The following ASIC2 variants were observed in gnomAD, a reference collection of about 807,000 sequenced individuals.
ASIC2 encodes acid-sensing ion channel 2.
A neutral mutation model predicts 57.3 loss-of-function variants in ASIC2; 25 were observed. The ratio of observed to expected loss-of-function variants is 0.44; its 90% CI spans 0.32 to 0.61. The LOEUF is 0.61. Ranked by LOEUF, ASIC2 falls within the 20% of genes least tolerant of loss-of-function variation. ASIC2 has a pLI of 0.06. For missense variants in ASIC2, 641 were observed against 738.1 expected (o/e 0.87, Z 1.52); for synonymous variants, 319 against 307.5 (o/e 1.04, Z -0.39).
chr17:34,037,528 G>C, intron 1 of ASIC2: 1 of 1,281,064 alleles, frequency 7.8e-7, no homozygotes, highest in South Asian at 1.5e-5. Context: ...GGTTTCATCA[G>C]ATCCATTCGG....
In ASIC2 at chr17:33,933,763, C is replaced by A. The variant is rs140411637; in HGVS notation, c.555+222215G>T. On this transcript the variant is annotated intron_variant, in intron 1 of 9. Coordinates refer to the ASIC2 transcript ENST00000359872. ...GAAAGAGCAGGTGTGAGGTCTCACT[C>A]GTTCATACTCCGGCATCACAGAATC... Among the ~76,000 whole-genome samples the A allele has an allele frequency of 7.2e-4, 110 of 152,328 alleles. No individual in the cohort carries two copies. In the South Asian group the frequency reaches 9.8e-3, roughly 14 times the overall value.
intron 1 of ASIC2, among the ~76,000 whole-genome samples, chr17:33,365,739 T>C (rs1002960697): frequency 6.6e-5 from 10 of 152,178 alleles, no homozygotes; most frequent in African/African-American, 2.4e-4. Context: ...CCTTACTTTA[T>C]CCCCTTTTTA....
At chr17:33,035,033 T>C (rs1193290014) in intron 3 of ASIC2, among the ~76,000 whole-genome samples, 1 of 152,198 alleles carries the variant, frequency 6.6e-6, no homozygotes, top group Non-Finnish European at 1.5e-5. Flanking sequence ...TCTCTTTATG[T>C]ATTATTTTAA....
chr17:34,024,782 T>C (rs1220036004), intron 1 of ASIC2, among the ~76,000 whole-genome samples: 1 of 152,140 alleles, frequency 6.6e-6, no homozygotes, highest in African/African-American at 2.4e-5. Context: ...GATTTCAGAG[T>C]CCATTTTTTT....
At chr17:33,484,157 C>T (rs145353264) in intron 1 of ASIC2, among the ~76,000 whole-genome samples, 5 of 152,338 alleles carry the variant, frequency 3.3e-5, no homozygotes, top group African/African-American at 1.2e-4. Flanking sequence ...TCCAGAACTA[C>T]AACAGAATAC....
At chr17:33,175,603 T>C (rs1432458142) in intron 1 of ASIC2, among the ~76,000 whole-genome samples, 2 of 152,206 alleles carry the variant, frequency 1.3e-5, no homozygotes, top group Non-Finnish European at 2.9e-5. Context: ...AGTTCCCACA[T>C]TTACAGCGAT....
intron 1 of ASIC2, among the ~76,000 whole-genome samples, chr17:34,006,963 T>C (rs998112051): frequency 6.6e-6 from 1 of 152,218 alleles, no homozygotes; most frequent in African/African-American, 2.4e-5. Flanking sequence ...CCAGTGGTGA[T>C]ATTTTACAGA....
chr17:33,324,491 C>T (rs1056736656), intron 1 of ASIC2, among the ~76,000 whole-genome samples: 1 of 151,916 alleles, frequency 6.6e-6, no homozygotes, highest in African/African-American at 2.4e-5. Flanking sequence ...ATGACAGAGC[C>T]CTGCAAATAT....
At chr17:33,481,514 C>A (rs1332719068) in intron 1 of ASIC2, among the ~76,000 whole-genome samples, 1 of 126,240 alleles carries the variant, frequency 7.9e-6, no homozygotes, top group African/African-American at 3.0e-5. Context: ...CATTGATCAT[C>A]CATTCACAAG....
At chr17:33,027,573 T>C (rs2091864377) in intron 4 of ASIC2, among the ~76,000 whole-genome samples, 1 of 152,212 alleles carries the variant, frequency 6.6e-6, no homozygotes, top group South Asian at 2.1e-4. Context: ...CTGATTGTGT[T>C]TTAAAGTTCA....
At chr17:33,656,244 T>C (rs1567680683) in intron 1 of ASIC2, among the ~76,000 whole-genome samples, 1 of 151,932 alleles carries the variant, frequency 6.6e-6, no homozygotes, top group Non-Finnish European at 1.5e-5. Flanking sequence ...AAAGAACATA[T>C]AATCTCCAAA....
intron 1 of ASIC2, among the ~76,000 whole-genome samples, chr17:33,252,071 A>G (rs1908903298): frequency 2.0e-5 from 3 of 152,188 alleles, no homozygotes; most frequent in Admixed American, 2.0e-4. Context: ...AAGGTTGTGC[A>G]GAGCATGAAG....
intron 1 of ASIC2, among the ~76,000 whole-genome samples, chr17:33,873,803 C>T (rs149132631): frequency 1.5e-3 from 234 of 152,272 alleles, no homozygotes; most frequent in Middle Eastern, 6.8e-3. Context: ...GAATCATGCC[C>T]GACCGTTTTG....
At chr17:33,550,403 CAT>C (rs1471363940) in intron 1 of ASIC2, among the ~76,000 whole-genome samples, 1 of 152,220 alleles carries the variant, frequency 6.6e-6, no homozygotes, top group Non-Finnish European at 1.5e-5. Flanking sequence ...AAAGGGCTCA[CAT>C]GTGTGATGTT....
intron 1 of ASIC2, among the ~76,000 whole-genome samples, chr17:33,283,470 C>T (rs1425971706): frequency 1.3e-5 from 2 of 152,178 alleles, no homozygotes; most frequent in Non-Finnish European, 2.9e-5. Context: ...GCGTAGCCCC[C>T]TTAAGGACTT....
chr17:33,126,079 A>G (rs747059116), intron 1 of ASIC2, among the ~76,000 whole-genome samples: 1 of 152,280 alleles, frequency 6.6e-6, no homozygotes, highest in East Asian at 1.9e-4. Context: ...AAAGGGAGTG[A>G]CAACTTGTTC....
intron 1 of ASIC2, among the ~76,000 whole-genome samples, chr17:33,904,707 T>C (rs1038967687): frequency 5.3e-5 from 8 of 152,168 alleles, no homozygotes; most frequent in African/African-American, 1.4e-4. Context: ...CTGAAGAGCA[T>C]CCATGGCCTT....
In ASIC2 at chr17:33,827,506, C is replaced by CTT. The variant is rs56359208; in HGVS notation, c.555+328470_555+328471dup. On this transcript the variant is annotated intron_variant, in intron 1 of 9. Coordinates refer to the ASIC2 transcript ENST00000359872. ...GCCACCATGCCTGGCTATTTTTTGT[C>CTT]TTTTTTTTTTTGTATTTTTAGTAAA... Among the ~76,000 whole-genome samples, 898 of 138,484 alleles carry CTT rather than the reference C, an allele frequency of 6.5e-3. 6 individuals carry two copies. Among genetic ancestry groups the CTT allele is most frequent in the African/African-American group, 0.013 (483 of 37,234 alleles). 90.9% of individuals were successfully genotyped at this position (138,484 alleles called of 152,430 possible).
intron 3 of ASIC2, among the ~76,000 whole-genome samples, chr17:33,044,442 G>T (rs558236347): frequency 6.6e-6 from 1 of 152,072 alleles, no homozygotes; most frequent in East Asian, 1.9e-4. Context: ...GTAAGATCTT[G>T]GCTCACTGCA....
Sources: allele counts gnomAD v4.1 joint callset (sites outside exome capture counted in the v4.1 genomes callset), GRCh38; gene constraint gnomAD v4.1.1; transcripts MANE v1.5; gene names NCBI Gene and HGNC (gene_info 2026-07-23, HGNC 2026-07-21).